ERBB4: variants seen among roughly 807,000 people sequenced by gnomAD.
ERBB4 encodes the protein receptor tyrosine-protein kinase erbB-4.
ERBB4 carries 42 observed loss-of-function variants against 158.0 expected under a neutral mutation model. The observed-to-expected ratio is 0.27, with a 90% CI of 0.21 to 0.34. ERBB4 has a LOEUF of 0.34. ERBB4 is among the 10% of genes least tolerant of loss of function. ERBB4 has a pLI of 1.00. For synonymous variants in ERBB4, 583 were observed against 558.7 expected, an observed-to-expected ratio of 1.04 and a Z score of -0.61; for missense variants, 1,333 against 1,624.1, an observed-to-expected ratio of 0.82 and a Z score of 3.08.
chr2:212,409,568 T>G (rs956800101), intron 1 of ERBB4, among the ~76,000 whole-genome samples: 12 of 152,174 alleles, frequency 7.9e-5, no homozygotes, highest in Middle Eastern at 3.2e-3. Flanking sequence ...TCAAAGTGCA[T>G]GTTCTTTACA....
chr2:212,240,662 A>C (rs1407952033), intron 1 of ERBB4, among the ~76,000 whole-genome samples: 3 of 147,358 alleles, frequency 2.0e-5, no homozygotes, highest in African/African-American at 7.6e-5. Flanking sequence ...AAAAAAAAAA[A>C]AAAAACAGAA....
At chr2:212,484,754 C>T (rs1250123428) in intron 1 of ERBB4, among the ~76,000 whole-genome samples, 2 of 152,306 alleles carry the variant, frequency 1.3e-5, no homozygotes, top group Middle Eastern at 3.4e-3. Flanking sequence ...CCTACTCACA[C>T]GACCCACACG....
At chr2:212,474,679 C>G (rs926593474) in intron 1 of ERBB4, among the ~76,000 whole-genome samples, 2 of 152,062 alleles carry the variant, frequency 1.3e-5, no homozygotes, top group Non-Finnish European at 2.9e-5. Flanking sequence ...TTTCCACATC[C>G]ACAAGACTCT....
chr2:211,655,001 T>C (rs905021933), intron 16 of ERBB4, among the ~76,000 whole-genome samples: 2 of 152,170 alleles, frequency 1.3e-5, no homozygotes, highest in Non-Finnish European at 2.9e-5. Flanking sequence ...CATGCTTTTG[T>C]TTAAATTTTG....
intron 27 of ERBB4, 39 bp downstream of exon 27, chr2:211,386,814 A>G (rs774245282): frequency 1.9e-6 from 3 of 1,604,608 alleles, no homozygotes; most frequent in Non-Finnish European, 2.6e-6. Context: ...ATGGAAGTGA[A>G]CTTCGAATGG....
At chr2:211,990,268 G>C (rs532715787) in intron 2 of ERBB4, among the ~76,000 whole-genome samples, 82 of 150,218 alleles carry the variant, frequency 5.5e-4, no homozygotes, top group Admixed American at 4.3e-3. Flanking sequence ...TAATAAAAAA[G>C]CCATTAAAAT....
At chr2:212,398,276 CT>C (rs2091090083) in intron 1 of ERBB4, among the ~76,000 whole-genome samples, 1 of 152,010 alleles carries the variant, frequency 6.6e-6, no homozygotes, top group African/African-American at 2.4e-5. Context: ...GTTGTCTTCT[CT>C]TTATTCTTTT....
intron 3 of ERBB4, among the ~76,000 whole-genome samples, chr2:211,941,058 G>A (rs1170914875): frequency 6.6e-6 from 1 of 152,042 alleles, no homozygotes; most frequent in Non-Finnish European, 1.5e-5. Context: ...AGTCTGACAT[G>A]ACAAGCAAAC....
chr2:211,721,979 C>T (rs1380672384), intron 7 of ERBB4, among the ~76,000 whole-genome samples: 1 of 152,186 alleles, frequency 6.6e-6, no homozygotes, highest in East Asian at 1.9e-4. Context: ...CCTCCTGTCT[C>T]AGCCTCCAGA....
At chr2:211,913,617 A>G (rs866507985) in intron 3 of ERBB4, among the ~76,000 whole-genome samples, 2,322 of 118,084 alleles carry the variant, frequency 0.02, 24 homozygotes, top group East Asian at 0.042. Context: ...ATATATATAT[A>G]TATGTGTGTG....
At chr2:211,486,955 AAAT>A (rs1271938011) in intron 20 of ERBB4, among the ~76,000 whole-genome samples, 1 of 146,040 alleles carries the variant, frequency 6.8e-6, no homozygotes, top group Non-Finnish European at 1.5e-5. Context: ...TATATTCTTA[AAAT>A]AATCTATTTT....
intron 3 of ERBB4, among the ~76,000 whole-genome samples, chr2:211,878,681 G>C (rs959678489): frequency 1.7e-5 from 2 of 119,826 alleles, no homozygotes; most frequent in African/African-American, 6.2e-5. Context: ...CCTTGAGATG[G>C]AGTTTCCCTC....
chr2:212,175,611 T>TTC (rs200295493), intron 1 of ERBB4, among the ~76,000 whole-genome samples: 12 of 95,220 alleles, frequency 1.3e-4, no homozygotes, highest in South Asian at 9.4e-4. Context: ...ATATGTATTT[T>TTC]TTTTTTTTTT....
At chr2:212,133,424 T>G (rs1440065438) in intron 1 of ERBB4, among the ~76,000 whole-genome samples, 1 of 119,338 alleles carries the variant, frequency 8.4e-6, no homozygotes. Context: ...TTTGTTTTTG[T>G]TTTTTTTTTT....
chr2:212,134,676 CTTTTTTTTTTTTTTT>C lies in ERBB4; in HGVS notation c.83-9788_83-9774del, dbSNP rs869141215. 5.8e-5 allele frequency among the ~76,000 whole-genome samples: 4 copies of C among 69,060 alleles called. No homozygotes were observed. The East Asian group carries it at 1.7e-3, about 29-fold the overall frequency. 45.3% of individuals were successfully genotyped at this position (69,060 alleles called of 152,430 possible). Reference sequence around the variant, plus strand: ...ACTGCTGAAATTAACTAAACACTTTCTTTTTTTTTTTTTTTTTTTTTTTTTGAGATGGAGTCTGGC... The same window carrying C: ...ACTGCTGAAATTAACTAAACACTTTCTTTTTTTTTTGAGATGGAGTCTGGC... On this transcript the variant is annotated intron_variant, in intron 1 of 27. Coordinates refer to ENST00000342788, the MANE Select transcript of ERBB4 (RefSeq NM_005235.3).
chr2:211,680,647 A>T (rs1474852864), intron 12 of ERBB4, among the ~76,000 whole-genome samples: 1 of 152,196 alleles, frequency 6.6e-6, no homozygotes, highest in Non-Finnish European at 1.5e-5. Flanking sequence ...TGTGATCCTG[A>T]CTAGTTCTGA....
chr2:212,109,157 G>T (rs1327891716), intron 2 of ERBB4, among the ~76,000 whole-genome samples: 1 of 152,154 alleles, frequency 6.6e-6, no homozygotes, highest in Non-Finnish European at 1.5e-5. Context: ...CAACATGCCA[G>T]CATCTTTAAT....
intron 4 of ERBB4, among the ~76,000 whole-genome samples, chr2:211,772,395 T>C (rs886406023): frequency 6.6e-6 from 1 of 152,122 alleles, no homozygotes; most frequent in African/African-American, 2.4e-5. Context: ...GAGTGTTTCC[T>C]AATATGACAA....
intron 2 of ERBB4, among the ~76,000 whole-genome samples, chr2:212,055,121 T>C (rs938984878): frequency 2.0e-5 from 3 of 152,166 alleles, no homozygotes; most frequent in African/African-American, 7.2e-5. Context: ...GCTTTTCCAA[T>C]GGTCTTAGCA....
Sources: allele counts gnomAD v4.1 joint callset (sites outside exome capture counted in the v4.1 genomes callset), GRCh38; gene constraint gnomAD v4.1.1; transcripts MANE v1.5; gene names NCBI Gene and HGNC (gene_info 2026-07-23, HGNC 2026-07-21).